The following TEF variants were observed in gnomAD, a reference collection of about 807,000 sequenced individuals.
The protein encoded by TEF is TEF transcription factor, PAR bZIP family member.
TEF carries 3 observed loss-of-function variants against 20.8 expected under a neutral mutation model. The ratio of observed to expected loss-of-function variants is 0.14; its 90% CI spans 0.07 to 0.37. The LOEUF (loss-of-function observed/expected upper bound fraction) is 0.37, where lower values mean the gene tolerates loss of function less well. TEF is among the 10% of genes least tolerant of loss of function. TEF has a pLI of 1.00. For missense variants in TEF, 296 were observed against 397.9 expected (o/e 0.74, Z 2.18); for synonymous variants, 180 against 171.1 (o/e 1.05, Z -0.41).
At chr22:41,383,069 T>A (rs3788584) in intron 1 of TEF, 114,367 of 470,258 alleles carry the variant, frequency 0.24, 17,638 homozygotes, top group Admixed American at 0.49. Flanking sequence ...GTGGGTGCAC[T>A]GAGGTATACT....
At chr22:41,371,730 G>C (rs531089405) in intron 1 of TEF, among the ~76,000 whole-genome samples, 3 of 152,286 alleles carry the variant, frequency 2.0e-5, no homozygotes, top group African/African-American at 7.2e-5. Context: ...TTGAAGAACT[G>C]GATGGTACAA....
chr22:41,386,919 C>A (rs1437999364), intron 1 of TEF, among the ~76,000 whole-genome samples: 1 of 151,728 alleles, frequency 6.6e-6, no homozygotes, highest in Admixed American at 6.6e-5. Flanking sequence ...TGGTGCGTAC[C>A]TGTAATCCCA....
intron 2 of TEF, among the ~76,000 whole-genome samples, chr22:41,393,818 G>A (rs778852624): frequency 6.6e-6 from 1 of 151,840 alleles, no homozygotes; most frequent in African/African-American, 2.4e-5. Context: ...TAACATTTCT[G>A]GAGGGGGTGG....
chr22:41,392,380 A>G (rs542140611), intron 2 of TEF, among the ~76,000 whole-genome samples: 27 of 152,294 alleles, frequency 1.8e-4, no homozygotes, highest in Admixed American at 1.6e-3. Flanking sequence ...ACTAGTTGTC[A>G]TAAGACTAAA....
chr22:41,382,723 T>G (rs1353019514), intron 1 of TEF, among the ~76,000 whole-genome samples: 1 of 151,782 alleles, frequency 6.6e-6, no homozygotes, highest in East Asian at 1.9e-4. Context: ...TGGGTGTGAG[T>G]AGCGCCAGCT....
chr22:41,378,628 G>A (rs927255202), upstream of TEF, among the ~76,000 whole-genome samples: 16 of 152,038 alleles, frequency 1.1e-4, 1 homozygote, highest in Admixed American at 7.2e-4. Context: ...ACAGGCGTGA[G>A]CCACTGTGCC....
In TEF at chr22:41,396,817, T is replaced by C. The variant is rs2037234968; in HGVS notation, c.*857T>C. On this transcript the variant is annotated 3_prime_UTR_variant, in exon 4 of 4. Coordinates refer to ENST00000266304, the MANE Select transcript of TEF (RefSeq NM_003216.4). ...GGGCCTGCTCTTTCTTTCCACCCAA[T>C]GTCCAGTCTTGGATCATAGATTTAA... is the stretch of plus-strand genomic sequence containing the variant. 7.6e-6 allele frequency: 3 copies of C among 397,110 alleles called. No individual in the cohort carries two copies. The highest frequency in any genetic ancestry group is 8.8e-5 in the Admixed American group (2 of 22,674). 24.6% of individuals were successfully genotyped at this position (397,110 alleles called of 1,614,324 possible).
intron 2 of TEF, among the ~76,000 whole-genome samples, chr22:41,390,729 C>T (rs1167597592): frequency 6.6e-6 from 1 of 152,046 alleles, no homozygotes; most frequent in African/African-American, 2.4e-5. Flanking sequence ...GAACTCCTCA[C>T]CTCAGGTGAT....
At chr22:41,373,556 GC>G (rs1021447528) in intron 1 of TEF, among the ~76,000 whole-genome samples, 7 of 151,620 alleles carry the variant, frequency 4.6e-5, no homozygotes, top group Non-Finnish European at 1.0e-4. Context: ...TGCAACCTCC[GC>G]CTCCCAGGTT....
upstream of TEF, among the ~76,000 whole-genome samples, chr22:41,378,229 C>G (rs1601814287): frequency 6.8e-6 from 1 of 146,574 alleles, no homozygotes; most frequent in African/African-American, 2.6e-5. Flanking sequence ...AGTGCAGTGG[C>G]ACGATCTCGG....
Position 41,396,008 on chromosome 22 carries a change from G to A in TEF, c.*48G>A, listed in dbSNP as rs1479904995. The A allele has an allele frequency of 5.1e-6, 8 of 1,574,958 alleles. No homozygotes were observed. In the Admixed American group the frequency reaches 1.2e-4, roughly 24 times the overall value. On this transcript the variant is annotated 3_prime_UTR_variant, in exon 4 of 4. Coordinates refer to ENST00000266304, the MANE Select transcript of TEF (RefSeq NM_003216.4). The stretch of plus-strand genomic sequence containing the variant: ...GGTACTGCCTGCACCTCAGACCTCT[G>A]CCTGGGGGCTCCCTGTAACCCCTCA...
chr22:41,393,487 T>C (rs1402710503), intron 2 of TEF, among the ~76,000 whole-genome samples: 1 of 152,208 alleles, frequency 6.6e-6, no homozygotes, highest in Non-Finnish European at 1.5e-5. Flanking sequence ...CTGGGCGCAG[T>C]GGCTCATGCC....
At position 41,397,395 on chromosome 22, in the gene TEF, T is replaced by C. The variant is rs1601828286; in HGVS notation, c.*1435T>C. On this transcript the variant is annotated 3_prime_UTR_variant, in exon 4 of 4. Transcript: ENST00000266304. ...TTGGGTCACTGGGACACCCCTGAGA[T>C]GGGTGTGTTTATTTGCTCAGGGCGG... 3.2e-6 allele frequency: 1 copy of C among 311,560 alleles called. No individual in the cohort carries two copies. Among genetic ancestry groups the C allele is most frequent in the African/African-American group, 2.1e-5 (1 of 46,806 alleles). The allele number at this position is 311,560 out of a possible 1,614,324, so 19.3% of individuals were successfully genotyped here. A position where few individuals can be genotyped will look rare whatever the true frequency, so the allele number is the denominator to read the frequency against.
intron 1 of TEF, among the ~76,000 whole-genome samples, chr22:41,368,651 T>C (rs1222380511): frequency 6.6e-6 from 1 of 152,136 alleles, no homozygotes; most frequent in African/African-American, 2.4e-5. Flanking sequence ...AGGGAGACAT[T>C]GCCCGAACGG....
chr22:41,372,327 C>T (rs1008937666), intron 1 of TEF, among the ~76,000 whole-genome samples: 24 of 152,080 alleles, frequency 1.6e-4, no homozygotes, highest in African/African-American at 5.6e-4. Flanking sequence ...CAGGCATTGA[C>T]GGCATGTCGA....
chr22:41,370,398 C>T (rs1274152042), intron 1 of TEF, among the ~76,000 whole-genome samples: 1 of 146,886 alleles, frequency 6.8e-6, no homozygotes, highest in African/African-American at 2.5e-5. Flanking sequence ...CAGGTGTAAA[C>T]CACTGCGCCT....
intron 1 of TEF, among the ~76,000 whole-genome samples, chr22:41,376,291 C>T (rs2036940855): frequency 6.6e-6 from 1 of 152,190 alleles, no homozygotes; most frequent in Non-Finnish European, 1.5e-5. Flanking sequence ...GGCTAAAGTG[C>T]AGTGGCGCAA....
chr22:41,384,611 C>T (rs1601819953), intron 1 of TEF, among the ~76,000 whole-genome samples: 1 of 152,256 alleles, frequency 6.6e-6, no homozygotes, highest in Middle Eastern at 3.4e-3. Flanking sequence ...CAATATTCTA[C>T]AGTTAGTATA....
In TEF at chr22:41,397,377, A is replaced by T. The variant is rs2037242813; in HGVS notation, c.*1417A>T. On this transcript the variant is annotated 3_prime_UTR_variant, in exon 4 of 4. Coordinates refer to ENST00000266304, the MANE Select transcript of TEF (RefSeq NM_003216.4). ...ATGGAAGCCTCTGCTCATTTGGGTC[A>T]CTGGGACACCCCTGAGATGGGTGTG... 1 of 339,946 alleles carries T rather than the reference A, an allele frequency of 2.9e-6. No individual in the cohort carries two copies. The highest frequency in any genetic ancestry group is 2.1e-5 in the African/African-American group (1 of 47,412). 21.1% of individuals were successfully genotyped at this position (339,946 alleles called of 1,614,324 possible). A position where few individuals can be genotyped will look rare whatever the true frequency, so the allele number is the denominator to read the frequency against.
Sources: allele counts gnomAD v4.1 joint callset (sites outside exome capture counted in the v4.1 genomes callset), GRCh38; gene constraint gnomAD v4.1.1; transcripts MANE v1.5; gene names NCBI Gene and HGNC (gene_info 2026-07-23, HGNC 2026-07-21).